The following RORA variants were observed in gnomAD, a reference collection of about 807,000 sequenced individuals.
RORA encodes nuclear receptor ROR-alpha.
In RORA, 7 loss-of-function variants were observed where a neutral mutation model predicts 69.5. The ratio of observed to expected loss-of-function variants is 0.10; its 90% CI spans 0.06 to 0.19. The LOEUF (loss-of-function observed/expected upper bound fraction) is 0.19. Among genes scored for constraint, RORA ranks in the 10% least tolerant of loss-of-function variants. The probability of loss-of-function intolerance (pLI) is 1.00; values close to 1 mark genes in which losing one functional copy is unlikely to be tolerated. For missense variants in RORA, 457 were observed against 663.0 expected, an observed-to-expected ratio of 0.69 and a Z score of 3.41; for synonymous variants, 261 against 240.8, an observed-to-expected ratio of 1.08 and a Z score of -0.78.
chr15:60,597,691 A>G (rs2068728302), intron 2 of RORA, among the ~76,000 whole-genome samples: 1 of 140,152 alleles, frequency 7.1e-6, no homozygotes, highest in Non-Finnish European at 1.5e-5. Context: ...AGAATCTGGA[A>G]TCCTGGGTCC....
At chr15:60,590,010 C>T (rs2068450762) in intron 2 of RORA, among the ~76,000 whole-genome samples, 1 of 152,170 alleles carries the variant, frequency 6.6e-6, no homozygotes, top group African/African-American at 2.4e-5. Flanking sequence ...TCCTCTAAAT[C>T]TGATATGGAA....
At chr15:60,900,669 C>T (rs771286207) in intron 1 of RORA, among the ~76,000 whole-genome samples, 7 of 151,996 alleles carry the variant, frequency 4.6e-5, no homozygotes, top group African/African-American at 9.7e-5. Flanking sequence ...GTCAAGAAAT[C>T]GAGACCATCC....
At chr15:61,108,055 C>T (rs763190309) in intron 1 of RORA, among the ~76,000 whole-genome samples, 25 of 152,156 alleles carry the variant, frequency 1.6e-4, no homozygotes, top group Non-Finnish European at 3.1e-4. Context: ...TATTTCAATT[C>T]TGCAAAGCCC....
chr15:60,704,159 C>T (rs1257269364), intron 1 of RORA, among the ~76,000 whole-genome samples: 1 of 152,204 alleles, frequency 6.6e-6, no homozygotes, highest in Non-Finnish European at 1.5e-5. Context: ...ACAGCCGTGA[C>T]AAAAATGCGC....
At chr15:60,554,655 C>G (rs550377682) in intron 2 of RORA, among the ~76,000 whole-genome samples, 1 of 152,320 alleles carries the variant, frequency 6.6e-6, no homozygotes, top group South Asian at 2.1e-4. Flanking sequence ...TCCTAGAACT[C>G]TAGCTACTTT....
chr15:60,553,629 A>C (rs148272158), intron 2 of RORA, among the ~76,000 whole-genome samples: 2 of 152,280 alleles, frequency 1.3e-5, no homozygotes, highest in Non-Finnish European at 1.5e-5. Flanking sequence ...AACAGCAGAA[A>C]AAGCTCTCTA....
intron 1 of RORA, among the ~76,000 whole-genome samples, chr15:61,136,609 C>T (rs998359678): frequency 3.9e-5 from 6 of 152,066 alleles, no homozygotes; most frequent in South Asian, 4.1e-4. Flanking sequence ...TTTTATTTCT[C>T]GTAAAGAAAC....
At chr15:60,730,159 C>T (rs554205050) in intron 1 of RORA, among the ~76,000 whole-genome samples, 1 of 152,336 alleles carries the variant, frequency 6.6e-6, no homozygotes, top group South Asian at 2.1e-4. Flanking sequence ...ATCTTGTCTT[C>T]CTTCAGTTGA....
intron 1 of RORA, among the ~76,000 whole-genome samples, chr15:61,214,995 G>A (rs1023639610): frequency 1.1e-3 from 169 of 147,236 alleles, no homozygotes; most frequent in Admixed American, 0.01. Context: ...CTCCCGAGTA[G>A]CTGGGACTAC....
In RORA at chr15:61,189,600, G is replaced by C. The variant is rs188888910; in HGVS notation, c.166+39453C>G. ...TGGCCAGGTGTGGTGGCTCACACCTGTAATCCCAAAATTTTGGGAGGCCGA... is the reference window on the plus strand; with the variant it reads ...TGGCCAGGTGTGGTGGCTCACACCTCTAATCCCAAAATTTTGGGAGGCCGA... On this transcript the variant is annotated intron_variant, in intron 1 of 10. Transcript: ENST00000335670. 2.6e-5 allele frequency among the ~76,000 whole-genome samples: 4 copies of C among 152,206 alleles called. No homozygotes were observed. The East Asian group carries it at 7.7e-4, about 29-fold the overall frequency.
chr15:60,629,454 G>A (rs1336602506), intron 2 of RORA, among the ~76,000 whole-genome samples: 1 of 152,076 alleles, frequency 6.6e-6, no homozygotes, highest in Admixed American at 6.6e-5. Context: ...GCTCCTTGAG[G>A]GCAAGTACTG....
intron 1 of RORA, among the ~76,000 whole-genome samples, chr15:60,680,122 T>C (rs1213433130): frequency 6.6e-6 from 1 of 152,198 alleles, no homozygotes; most frequent in Non-Finnish European, 1.5e-5. Context: ...AAAATCTGAA[T>C]ACAATTTGCA....
At chr15:61,171,808 C>CA in intron 1 of RORA, among the ~76,000 whole-genome samples, 1 of 152,310 alleles carries the variant, frequency 6.6e-6, no homozygotes, top group East Asian at 1.9e-4. Flanking sequence ...ATGCAAGACA[C>CA]AAAACGTTGC....
intron 1 of RORA, among the ~76,000 whole-genome samples, chr15:61,015,017 G>A (rs1895230707): frequency 6.6e-6 from 1 of 152,120 alleles, no homozygotes; most frequent in African/African-American, 2.4e-5. Context: ...AGCATTTACA[G>A]CAAGCACCGG....
intron 1 of RORA, among the ~76,000 whole-genome samples, chr15:61,100,150 C>T (rs796553601): frequency 4.4e-5 from 6 of 135,308 alleles, no homozygotes; most frequent in Non-Finnish European, 6.1e-5. Context: ...GATGGAGTCT[C>T]ACTCTGTCAC....
chr15:60,832,345 G>A (rs893451291), intron 1 of RORA, among the ~76,000 whole-genome samples: 42 of 152,138 alleles, frequency 2.8e-4, no homozygotes, highest in African/African-American at 9.2e-4. Context: ...TGGGAAATCC[G>A]GTAGTCTGGG....
intron 1 of RORA, among the ~76,000 whole-genome samples, chr15:61,082,324 A>T (rs2078555960): frequency 6.6e-6 from 1 of 152,194 alleles, no homozygotes; most frequent in African/African-American, 2.4e-5. Context: ...CCCCGTCTCT[A>T]CTAACAATAC....
chr15:61,169,419 C>T (rs943062168), intron 1 of RORA, among the ~76,000 whole-genome samples: 1 of 152,046 alleles, frequency 6.6e-6, no homozygotes, highest in African/African-American at 2.4e-5. Context: ...CTCTTGGTGG[C>T]CAGCTCTGCC....
intron 1 of RORA, among the ~76,000 whole-genome samples, chr15:60,940,953 T>C (rs1892677057): frequency 1.3e-5 from 2 of 152,106 alleles, no homozygotes; most frequent in Non-Finnish European, 2.9e-5. Context: ...AATCATAATA[T>C]TTTAGTCAGT....
Sources: allele counts gnomAD v4.1 joint callset (sites outside exome capture counted in the v4.1 genomes callset), GRCh38; gene constraint gnomAD v4.1.1; transcripts MANE v1.5; gene names NCBI Gene and HGNC (gene_info 2026-07-23, HGNC 2026-07-21).